SNTG2: variants seen among roughly 807,000 people sequenced by gnomAD.
SNTG2 encodes syntrophin gamma 2.
A neutral mutation model predicts 70.9 loss-of-function variants in SNTG2; 74 were observed. The ratio of observed to expected loss-of-function variants is 1.04; its 90% CI spans 0.86 to 1.27. The LOEUF (loss-of-function observed/expected upper bound fraction) is 1.27. Among genes scored for constraint, SNTG2 ranks in the 50% most tolerant of loss-of-function variants. SNTG2 has a pLI of 0.00. For synonymous variants in SNTG2, 278 were observed against 273.8 expected (o/e 1.02, Z -0.15); for missense variants, 717 against 690.7 (o/e 1.04, Z -0.43).
At chr2:1,332,752 G>C (rs1433238043) in intron 16 of SNTG2, among the ~76,000 whole-genome samples, 1 of 152,096 alleles carries the variant, frequency 6.6e-6, no homozygotes, top group African/African-American at 2.4e-5. Context: ...ACAAAATCCA[G>C]CATCTCTTTA....
chr2:1,289,847 C>A (rs1679918686), intron 14 of SNTG2, among the ~76,000 whole-genome samples: 1 of 152,194 alleles, frequency 6.6e-6, no homozygotes, highest in African/African-American at 2.4e-5. Flanking sequence ...CTCTATGAAT[C>A]TGAGGACTGC....
chr2:1,022,787 T>C (rs2148014864), intron 1 of SNTG2, among the ~76,000 whole-genome samples: 1 of 152,312 alleles, frequency 6.6e-6, no homozygotes, highest in East Asian at 1.9e-4. Flanking sequence ...TCATTTCTTC[T>C]TTCCCCCTTC....
intron 1 of SNTG2, among the ~76,000 whole-genome samples, chr2:991,710 C>T (rs1007197303): frequency 1.4e-4 from 22 of 152,128 alleles, no homozygotes; most frequent in African/African-American, 2.7e-4. Flanking sequence ...AAGCATTTCC[C>T]GGCACAGGGA....
Position 950,929 on chromosome 2 carries a change from A to C in SNTG2, c.-68A>C. On this transcript the variant is annotated 5_prime_UTR_variant, in exon 1 of 17. Coordinates refer to ENST00000308624, the MANE Select transcript of SNTG2 (RefSeq NM_018968.4). ...ACGCGGCGCCTGGCGGGGCCCTGGG[A>C]GGCTCGGACGGGGTCCTGGCGTTGA... 7.5e-6 allele frequency: 6 copies of C among 804,894 alleles called. No homozygotes were observed. Among genetic ancestry groups the C allele is most frequent in the Non-Finnish European group, 9.8e-6 (6 of 613,532 alleles). The allele number at this position is 804,894 out of a possible 1,614,324, so 49.9% of individuals were successfully genotyped here. A position where few individuals can be genotyped will look rare whatever the true frequency, so the allele number is the denominator to read the frequency against.
intron 1 of SNTG2, among the ~76,000 whole-genome samples, chr2:1,047,709 G>T (rs1191514237): frequency 6.6e-6 from 1 of 152,186 alleles, no homozygotes; most frequent in Non-Finnish European, 1.5e-5. Context: ...GTGGGCTCTT[G>T]CTCAGCCACG....
chr2:1,135,755 C>T (rs1348373010), intron 4 of SNTG2, among the ~76,000 whole-genome samples: 1 of 152,192 alleles, frequency 6.6e-6, no homozygotes, highest in African/African-American at 2.4e-5. Context: ...ACATTATCTC[C>T]TGCACTGGAC....
chr2:1,162,278 T>C (rs1670365643), intron 6 of SNTG2, among the ~76,000 whole-genome samples: 2 of 152,078 alleles, frequency 1.3e-5, no homozygotes, highest in African/African-American at 4.8e-5. Flanking sequence ...ACCTCGGGTA[T>C]GGAGGTGGGC....
At position 1,238,392 on chromosome 2, in the gene SNTG2, ACCT is replaced by A. The variant is rs529031131; in HGVS notation, c.849+376_849+378del. ...CAGTGTGACATTTTGAGTTGGGGAA[ACCT>A]AATTGAGTTAAAAGTATAATTCTCC... On this transcript the variant is annotated intron_variant, in intron 10 of 16. Transcript: ENST00000308624. Among the ~76,000 whole-genome samples the A allele has an allele frequency of 2.9e-3, 447 of 152,268 alleles. 2 individuals carry two copies. The highest frequency in any genetic ancestry group is 6.8e-3 in the Middle Eastern group (2 of 294).
At chr2:965,188 T>A (rs867737178) in intron 1 of SNTG2, among the ~76,000 whole-genome samples, 11 of 54,844 alleles carry the variant, frequency 2.0e-4, no homozygotes, top group African/African-American at 5.5e-4. Flanking sequence ...CTCCTCCTGG[T>A]CCCCAGTCCT....
intron 1 of SNTG2, among the ~76,000 whole-genome samples, chr2:1,031,002 C>T (rs1488113703): frequency 2.0e-5 from 3 of 152,130 alleles, no homozygotes; most frequent in Non-Finnish European, 4.4e-5. Context: ...TAGACAGGTT[C>T]TTAAGTAAAA....
intron 8 of SNTG2, among the ~76,000 whole-genome samples, chr2:1,181,728 C>T (rs28457157): frequency 0.23 from 35,733 of 152,074 alleles, 4,913 homozygotes; most frequent in East Asian, 0.44. Context: ...CTAGAAGTCA[C>T]ATTTCTCATT....
At position 1,308,530 on chromosome 2, in the gene SNTG2, C is replaced by T; in HGVS notation, c.1321C>T (p.Leu441=). The change falls in exon 15 of 17, where the codon CTG becomes TTG. Residue 441 remains leucine (L), a synonymous_variant. Coordinates refer to ENST00000308624, the MANE Select transcript of SNTG2 (RefSeq NM_018968.4). ...CATGTGCAGCTGGCAAGGAGAGATG[C>T]TGTGTTTCACGGTGGATTTCGCGTT... is the stretch of plus-strand genomic sequence containing the variant. ...TYMCSWQGEM[L]CFTVDFALGF... is the part of the protein sequence containing the mutation. 1 of 1,551,662 alleles carries T rather than the reference C, an allele frequency of 6.4e-7. No homozygotes were observed. The highest frequency in any genetic ancestry group is 8.7e-7 in the Non-Finnish European group (1 of 1,146,990).
intron 16 of SNTG2, among the ~76,000 whole-genome samples, chr2:1,359,658 A>C (rs1477528954): frequency 1.3e-5 from 2 of 152,162 alleles, no homozygotes; most frequent in Non-Finnish European, 2.9e-5. Flanking sequence ...AGAGAAGCTG[A>C]GACTCAAAAA....
rs1186081221 is a variant in SNTG2, at chr2:1,033,203, C to A, written c.73-50315C>A. Among the ~76,000 whole-genome samples, 7 of 152,166 alleles carry A rather than the reference C, an allele frequency of 4.6e-5. 1 individual carries two copies. Among genetic ancestry groups the A allele is most frequent in the Admixed American group, 2.6e-4 (4 of 15,278 alleles). On this transcript the variant is annotated intron_variant, in intron 1 of 16. Coordinates refer to ENST00000308624, the MANE Select transcript of SNTG2 (RefSeq NM_018968.4). ...ATGAGATTTGGAGGAAACAGCATCC[C>A]AGTTGGTACTGCAGCCTCAGGCAAT...
At chr2:977,791 C>T (rs1404566077) in intron 1 of SNTG2, among the ~76,000 whole-genome samples, 2 of 152,182 alleles carry the variant, frequency 1.3e-5, no homozygotes, top group Non-Finnish European at 2.9e-5. Context: ...TCTTCCATAA[C>T]CTCATTTCCG....
At chr2:1,190,232 G>T (rs900571925) in intron 8 of SNTG2, among the ~76,000 whole-genome samples, 2 of 151,896 alleles carry the variant, frequency 1.3e-5, no homozygotes, top group Non-Finnish European at 2.9e-5. Flanking sequence ...AGATGCTTAA[G>T]ACCCTTATAT....
At chr2:1,145,774 G>C (rs28540893) in intron 6 of SNTG2, among the ~76,000 whole-genome samples, 55,914 of 151,948 alleles carry the variant, frequency 0.37, 11,124 homozygotes, top group East Asian at 0.83. Flanking sequence ...AGACCAATAT[G>C]TCTCATGAAC....
chr2:1,157,269 C>A (rs1190601457), intron 6 of SNTG2, among the ~76,000 whole-genome samples: 1 of 152,188 alleles, frequency 6.6e-6, no homozygotes, highest in African/African-American at 2.4e-5. Context: ...ATCATCGAGT[C>A]CTGCCCTGGC....
chr2:1,271,936 T>C (rs548855188), intron 14 of SNTG2, among the ~76,000 whole-genome samples: 2 of 152,248 alleles, frequency 1.3e-5, no homozygotes, highest in East Asian at 3.9e-4. Flanking sequence ...GCTGATTGGC[T>C]TCTCGTCAAG....
Sources: gnomAD v4.1 joint callset for allele counts (sites outside exome capture counted in the v4.1 genomes callset) on GRCh38, gnomAD v4.1.1 for gene constraint, MANE v1.5 for transcripts, NCBI Gene and HGNC (gene_info 2026-07-23, HGNC 2026-07-21) for gene names.